The following COL22A1 variants were observed in gnomAD, a reference collection of about 807,000 sequenced individuals.
COL22A1 encodes the protein collagen type XXII alpha 1 chain.
Under a neutral mutation model 248.9 loss-of-function variants are expected in COL22A1, and 221 were observed. The ratio of observed to expected loss-of-function variants is 0.89; its 90% confidence interval spans 0.80 to 0.99. COL22A1 has a LOEUF of 0.99. Among genes scored for constraint, COL22A1 ranks in the 50% least tolerant of loss-of-function variants. The probability of loss-of-function intolerance (pLI) is 0.00; values close to 1 mark genes in which losing one functional copy is unlikely to be tolerated. For missense variants in COL22A1, 2,240 were observed against 2,179.0 expected (o/e 1.03, Z -0.56); for synonymous variants, 891 against 793.4 (o/e 1.12, Z -2.07).
intron 32 of COL22A1, among the ~76,000 whole-genome samples, chr8:138,696,848 A>T (rs1477210776): frequency 6.6e-6 from 1 of 152,210 alleles, no homozygotes; most frequent in Non-Finnish European, 1.5e-5. Context: ...TTCACCACAG[A>T]CAATAATACC....
chr8:138,908,391 T>A (rs1165751923), intron 1 of COL22A1, among the ~76,000 whole-genome samples: 1 of 152,232 alleles, frequency 6.6e-6, no homozygotes, highest in Admixed American at 6.5e-5. Flanking sequence ...TGTAAAAACA[T>A]GCTTTTGTTA....
At chr8:138,631,007 G>A (rs1820675798) in intron 49 of COL22A1, among the ~76,000 whole-genome samples, 1 of 152,130 alleles carries the variant, frequency 6.6e-6, no homozygotes, top group Admixed American at 6.5e-5. Context: ...AGATCTGGTT[G>A]TTTAGAAGTC....
Position 138,635,065 on chromosome 8 carries a change from T to C in COL22A1, c.3556-2A>G, listed in dbSNP as rs1488705895. ...GAAACCTGGAACTCCAGGATGACCC[T>C]AGGAAAACACAAGATGCAATTCTTT... is the stretch of plus-strand genomic sequence containing the variant. On this transcript the variant is annotated splice_acceptor_variant, in intron 48 of 64. Transcript: ENST00000303045. LOFTEE classifies it high-confidence loss of function. 1 of 1,605,910 alleles carries C rather than the reference T, an allele frequency of 6.2e-7. No homozygotes were observed. The highest frequency in any genetic ancestry group is 8.5e-7 in the Non-Finnish European group (1 of 1,175,534).
At chr8:138,701,601 C>T (rs1827980793) in intron 31 of COL22A1, among the ~76,000 whole-genome samples, 1 of 152,154 alleles carries the variant, frequency 6.6e-6, no homozygotes, top group African/African-American at 2.4e-5. Flanking sequence ...CAAATAGTAA[C>T]AGCGACTACA....
rs201551033 is a variant in COL22A1, at chr8:138,594,170, G to A, written c.4462C>T (p.Pro1488Ser). 1.9e-4 allele frequency: 304 copies of A among 1,571,806 alleles called. No homozygotes were observed. The highest frequency in any genetic ancestry group is 5.7e-4 in the Admixed American group (28 of 48,984). Residue 1488 changes from proline to serine, a missense_variant, in exon 63 of 65, where the codon CCC becomes TCC. Physicochemically the swap from Pro to Ser is moderately conservative, Grantham distance 74 (BLOSUM62 -1). Transcript: ENST00000303045. ...TRLAYLLAQMPPAYMKSSQGR... is the reference protein window; with the variant it reads ...TRLAYLLAQMSPAYMKSSQGR... ...TGAGATGACTTCATGTACGCCGGGG[G>A]CATCTGGGCCAGGAGGTAGGCGAGT...
chr8:138,807,853 A>C (rs758814115), intron 9 of COL22A1, 41 bp from the exon 10 acceptor site: 2 of 1,604,948 alleles, frequency 1.2e-6, no homozygotes, highest in South Asian at 1.1e-5. Flanking sequence ...TTTCTATTTT[A>C]ATTTTCCCTT....
intron 21 of COL22A1, among the ~76,000 whole-genome samples, chr8:138,754,561 T>G (rs1832842454): frequency 6.6e-6 from 1 of 152,232 alleles, no homozygotes; most frequent in Admixed American, 6.5e-5. Context: ...AAGAAGCAAC[T>G]TTAAAGCAGG....
intron 56 of COL22A1, among the ~76,000 whole-genome samples, chr8:138,613,285 G>A (rs189571655): frequency 7.3e-5 from 11 of 151,676 alleles, no homozygotes; most frequent in Admixed American, 7.2e-4. Context: ...GATTTTTGGA[G>A]AGAGACACAA....
chr8:138,779,789 T>G (rs1814794915), intron 13 of COL22A1, among the ~76,000 whole-genome samples: 1 of 152,084 alleles, frequency 6.6e-6, no homozygotes. Flanking sequence ...AGAAACAGGG[T>G]CTGATTCTGT....
intron 39 of COL22A1, among the ~76,000 whole-genome samples, chr8:138,680,989 C>G (rs1020509466): frequency 2.6e-5 from 4 of 152,098 alleles, no homozygotes; most frequent in Non-Finnish European, 5.9e-5. Flanking sequence ...CACTCTTCCC[C>G]CCGGGGGGGG....
In COL22A1 at chr8:138,616,041, G is replaced by C. The variant is rs1485462574; in HGVS notation, c.3884C>G (p.Ala1295Gly). The C allele has an allele frequency of 2.5e-6, 4 of 1,613,224 alleles. No homozygotes were observed. In the South Asian group the frequency reaches 4.4e-5, roughly 18 times the overall value. Residue 1295 changes from alanine to glycine, a missense_variant, in exon 55 of 65, where the codon GCC (alanine) becomes GGC (glycine). Transcript: ENST00000303045. ...CCCTTCCTGACCAGGAAGCCCCATG[G>C]CACCAGACTCTCCCTAGGAACAAAA... ...GAPGPRGESGAMGLPGQEGLP... is the reference protein window; with the variant it reads ...GAPGPRGESGGMGLPGQEGLP...
At chr8:138,694,630 G>A in intron 33 of COL22A1, 69 bp from the exon 34 acceptor site, 1 of 1,538,204 alleles carries the variant, frequency 6.5e-7, no homozygotes, top group South Asian at 1.2e-5. Flanking sequence ...GGATGGGGCG[G>A]GGACGTTGCA....
At chr8:138,660,581 T>A in intron 43 of COL22A1, 101 bp from the exon 44 acceptor site, 1 of 1,031,558 alleles carries the variant, frequency 9.7e-7, no homozygotes, top group Non-Finnish European at 1.5e-6. Flanking sequence ...TAAGTGTAAC[T>A]CAGTGGGGAA....
chr8:138,664,177 C>T (rs1230778256), intron 41 of COL22A1, among the ~76,000 whole-genome samples: 2 of 146,222 alleles, frequency 1.4e-5, no homozygotes, highest in Admixed American at 6.9e-5. Context: ...AGTCATGCTC[C>T]CTTCTCCAAC....
At chr8:138,721,036 C>T (rs1279159020) in intron 26 of COL22A1, among the ~76,000 whole-genome samples, 1 of 152,112 alleles carries the variant, frequency 6.6e-6, no homozygotes, top group Non-Finnish European at 1.5e-5. Context: ...TTGGCATTCT[C>T]TCTTATTGAG....
intron 46 of COL22A1, among the ~76,000 whole-genome samples, chr8:138,648,537 T>A (rs1181629637): frequency 6.6e-6 from 1 of 152,202 alleles, no homozygotes; most frequent in Non-Finnish European, 1.5e-5. Flanking sequence ...CAGTTCTTTA[T>A]CTGTCTCTTT....
At chr8:138,779,270 T>G (rs1010891860) in intron 14 of COL22A1, among the ~76,000 whole-genome samples, 2 of 152,240 alleles carry the variant, frequency 1.3e-5, no homozygotes, top group African/African-American at 4.8e-5. Flanking sequence ...CATCTGTATT[T>G]ACAGAGAAAG....
In COL22A1 at chr8:138,649,752, G is replaced by C; in HGVS notation, c.3360C>G (p.Gly1120=). ...AKDVCNDCPP[G]PPGLPGLPGF... ...CTGGTAGACCAGGGAGGCCTGGGGG[G>C]CCAGGAGGGCAGTCATTGCACACAT... The change falls in exon 46 of 65, where the codon GGC becomes GGG. Residue 1120 remains glycine (G), a synonymous_variant. Transcript: ENST00000303045. The C allele has an allele frequency of 6.2e-7, 1 of 1,603,172 alleles. No individual in the cohort carries two copies.
rs73445443 is a variant in COL22A1 at position 138,650,496 on chromosome 8, T to C, written c.3334-718A>G. 2.6e-3 allele frequency among the ~76,000 whole-genome samples: 402 copies of C among 152,264 alleles called. 2 individuals are homozygous for C. Among genetic ancestry groups the C allele is most frequent in the African/African-American group, 9.3e-3 (388 of 41,544 alleles). Reference sequence around the variant, plus strand: ...ATCTTACAGTTTGGAGCACACTATGTGCCAAATAAAACTCACCTAACTGTA... The same window carrying C: ...ATCTTACAGTTTGGAGCACACTATGCGCCAAATAAAACTCACCTAACTGTA... On this transcript the variant is annotated intron_variant, in intron 45 of 64. Transcript: ENST00000303045.
Sources: gnomAD v4.1 joint callset for allele counts (sites outside exome capture counted in the v4.1 genomes callset) on GRCh38, gnomAD v4.1.1 for gene constraint, MANE v1.5 for transcripts, NCBI Gene and HGNC (gene_info 2026-07-23, HGNC 2026-07-21) for gene names.